TRIM44: variants seen among roughly 807,000 people sequenced by gnomAD.
TRIM44 encodes the protein tripartite motif-containing protein 44.
A neutral mutation model predicts 37.4 loss-of-function variants in TRIM44; 13 were observed. The observed-to-expected ratio is 0.35, with a 90% CI of 0.23 to 0.55. The LOEUF is 0.55. Among genes scored for constraint, TRIM44 ranks in the 20% least tolerant of loss-of-function variants. The probability of loss-of-function intolerance (pLI) is 0.89; values close to 1 mark genes in which losing one functional copy is unlikely to be tolerated. For synonymous variants in TRIM44, 175 were observed against 157.2 expected, an observed-to-expected ratio of 1.11 and a Z score of -0.85; for missense variants, 426 against 437.2, an observed-to-expected ratio of 0.97 and a Z score of 0.23.
intron 2 of TRIM44, among the ~76,000 whole-genome samples, chr11:35,700,811 A>G (rs549318120): frequency 6.6e-6 from 1 of 152,326 alleles, no homozygotes; most frequent in East Asian, 1.9e-4. Context: ...AAATTGAAGA[A>G]TTTTTAAAAG....
In TRIM44 at chr11:35,706,127, C is replaced by T. The variant is rs1379799289; in HGVS notation, c.748-19797C>T. 2.0e-5 allele frequency among the ~76,000 whole-genome samples: 3 copies of T among 148,966 alleles called. 1 individual carries two copies. Among genetic ancestry groups the T allele is most frequent in the Non-Finnish European group, 4.5e-5 (3 of 66,186 alleles). ...TGCAAACTATCATCAGAGAATACTA[C>T]AAACACCTCTACGCAAATAAATTAG... On this transcript the variant is annotated intron_variant, in intron 2 of 4. Transcript: ENST00000299413.
At position 35,756,332 on chromosome 11, in the gene TRIM44, T is replaced by G. The variant is rs1308372232; in HGVS notation, c.1007+20887T>G. 1.9e-3 allele frequency among the ~76,000 whole-genome samples: 284 copies of G among 152,312 alleles called. 2 individuals are homozygous for G. Among genetic ancestry groups the G allele is most frequent in the African/African-American group, 6.5e-3 (271 of 41,558 alleles). ...GTCTGTTATTGGTGTATAAGAATGC[T>G]TGTGATTTTTGCACATTGATTTTGT... On this transcript the variant is annotated intron_variant, in intron 4 of 4. Transcript: ENST00000299413.
rs1853510361 is a variant in TRIM44 at position 35,810,107 on chromosome 11, C to T, written c.*3722C>T. On this transcript the variant is annotated 3_prime_UTR_variant, in exon 5 of 5. Coordinates refer to ENST00000299413, the MANE Select transcript of TRIM44 (RefSeq NM_017583.6). Reference sequence around the variant, plus strand: ...CTGAAGGAAATTGCACTCCAGCCCTCCTCCAGGATGTCTAATAAGATGGGA... The same window carrying T: ...CTGAAGGAAATTGCACTCCAGCCCTTCTCCAGGATGTCTAATAAGATGGGA... 1 of 152,136 alleles carries T rather than the reference C, an allele frequency of 6.6e-6. No individual in the cohort carries two copies. The highest frequency in any genetic ancestry group is 1.5e-5 in the Non-Finnish European group (1 of 68,032). 9.4% of individuals were successfully genotyped at this position (152,136 alleles called of 1,614,324 possible). A position where few individuals can be genotyped will look rare whatever the true frequency, so the allele number is the denominator to read the frequency against.
chr11:35,699,862 G>T (rs1390369090), intron 2 of TRIM44, among the ~76,000 whole-genome samples: 1 of 152,016 alleles, frequency 6.6e-6, no homozygotes, highest in Admixed American at 6.6e-5. Context: ...GCTTCAAAGA[G>T]ACTAAAATAT....
chr11:35,740,344 G>A (rs1426820333), intron 4 of TRIM44, among the ~76,000 whole-genome samples: 1 of 152,124 alleles, frequency 6.6e-6, no homozygotes, highest in East Asian at 1.9e-4. Flanking sequence ...AAGCTGTTGT[G>A]TAGTGGTAGG....
Position 35,742,818 on chromosome 11 carries a change from ATAT to A in TRIM44, c.1007+7376_1007+7378del, listed in dbSNP as rs1424243636. Among the ~76,000 whole-genome samples, 134 of 143,236 alleles carry A rather than the reference ATAT, an allele frequency of 9.4e-4. 1 individual carries two copies. Among genetic ancestry groups the A allele is most frequent in the Admixed American group, 2.3e-3 (32 of 13,728 alleles). The allele number at this position is 143,236 out of a possible 152,430, so 94.0% of individuals were successfully genotyped here. A position where few individuals can be genotyped will look rare whatever the true frequency, so the allele number is the denominator to read the frequency against. ...TATTAATATATTAAATATAATTATA[ATAT>A]TAATTATACATTAATATCATTAATA... is the stretch of plus-strand genomic sequence containing the variant. On this transcript the variant is annotated intron_variant, in intron 4 of 4. Transcript: ENST00000299413.
intron 4 of TRIM44, among the ~76,000 whole-genome samples, chr11:35,797,380 T>C (rs1417504775): frequency 6.6e-6 from 1 of 152,154 alleles, no homozygotes; most frequent in Non-Finnish European, 1.5e-5. Context: ...TATGTAGATA[T>C]TTCACCCTCA....
intron 4 of TRIM44, among the ~76,000 whole-genome samples, chr11:35,757,044 T>C (rs1199383091): frequency 6.6e-6 from 1 of 152,214 alleles, no homozygotes; most frequent in African/African-American, 2.4e-5. Context: ...GAGGATTCCC[T>C]CTTTTTCTGT....
chr11:35,769,874 A>C (rs1852843512), intron 4 of TRIM44, among the ~76,000 whole-genome samples: 1 of 152,248 alleles, frequency 6.6e-6, no homozygotes, highest in Non-Finnish European at 1.5e-5. Context: ...TGTCTCCAGC[A>C]GGCCTAAGGA....
At position 35,809,049 on chromosome 11, in the gene TRIM44, T is replaced by TATC. The variant is rs1565045293; in HGVS notation, c.*2665_*2667dup. 1 of 152,248 alleles carries TATC rather than the reference T, an allele frequency of 6.6e-6. No homozygotes were observed. The allele number at this position is 152,248 out of a possible 1,614,324, so 9.4% of individuals were successfully genotyped here. A position where few individuals can be genotyped will look rare whatever the true frequency, so the allele number is the denominator to read the frequency against. On this transcript the variant is annotated 3_prime_UTR_variant, in exon 5 of 5. Transcript: ENST00000299413. ...TCGGATACTCATAGCAATTTCTGGC[T>TATC]ATCTTTCAAATGTTGAATTTCTGGA...
chr11:35,735,540 C>A, intron 4 of TRIM44, 95 bp downstream of exon 4: 1 of 1,274,614 alleles, frequency 7.8e-7, no homozygotes. Flanking sequence ...AGCCAAGGAA[C>A]AGCACAGAAA....
chr11:35,749,579 G>C (rs1235452721), intron 4 of TRIM44, among the ~76,000 whole-genome samples: 4 of 152,212 alleles, frequency 2.6e-5, no homozygotes, highest in Non-Finnish European at 4.4e-5. Flanking sequence ...CACCTACTCA[G>C]GAGGCTGAGG....
At position 35,695,403 on chromosome 11, in the gene TRIM44, T is replaced by C. The variant is rs1851684955; in HGVS notation, c.747+10067T>C. 2.0e-5 allele frequency among the ~76,000 whole-genome samples: 3 copies of C among 152,174 alleles called. 1 individual carries two copies. The highest frequency in any genetic ancestry group is 4.4e-5 in the Non-Finnish European group (3 of 68,030). On this transcript the variant is annotated intron_variant, in intron 2 of 4. Coordinates refer to ENST00000299413, the MANE Select transcript of TRIM44 (RefSeq NM_017583.6). ...TTGTGTATCTAAACAATTTCAGTAT[T>C]AGCTGATTTTGCATTAAAATCTGGC...
intron 2 of TRIM44, among the ~76,000 whole-genome samples, chr11:35,710,120 G>T (rs918090953): frequency 3.3e-5 from 5 of 152,172 alleles, no homozygotes; most frequent in African/African-American, 1.2e-4. Flanking sequence ...CTCAGTGATT[G>T]TTACAGGCGC....
chr11:35,676,880 GTTGAATTTTGAGACTGTTTTTGTCTGTTT>G (rs1851465214), intron 1 of TRIM44, among the ~76,000 whole-genome samples: 1 of 152,136 alleles, frequency 6.6e-6, no homozygotes, highest in Non-Finnish European at 1.5e-5. Flanking sequence ...TTTGTCTGTT[GTTGAATTTTGAGACTGTTTTTGTCTGTTT>G]TTGAATTTTG....
chr11:35,786,247 T>C (rs566822015), intron 4 of TRIM44, among the ~76,000 whole-genome samples: 3 of 152,356 alleles, frequency 2.0e-5, no homozygotes, highest in Admixed American at 2.0e-4. Flanking sequence ...TAGGTCTTAC[T>C]GGATGCATTT....
At chr11:35,707,497 A>G (rs540136418) in intron 2 of TRIM44, among the ~76,000 whole-genome samples, 3 of 152,182 alleles carry the variant, frequency 2.0e-5, no homozygotes, top group Non-Finnish European at 4.4e-5. Flanking sequence ...GTGTCATGCT[A>G]CCTGACTTCA....
rs1853516842 is a variant in TRIM44, at chr11:35,810,599, C to T, written c.*4214C>T. 6.6e-6 allele frequency: 1 copy of T among 152,084 alleles called. No homozygotes were observed. Among genetic ancestry groups the T allele is most frequent in the South Asian group, 2.1e-4 (1 of 4,808 alleles). The allele number at this position is 152,084 out of a possible 1,614,324, so 9.4% of individuals were successfully genotyped here. A position where few individuals can be genotyped will look rare whatever the true frequency, so the allele number is the denominator to read the frequency against. Reference sequence around the variant, plus strand: ...GTATAATTTGGAACTGAGAACATACCAGAAACAGCAGAACGAGGGCCAGAG... The same window carrying T: ...GTATAATTTGGAACTGAGAACATACTAGAAACAGCAGAACGAGGGCCAGAG... On this transcript the variant is annotated 3_prime_UTR_variant, in exon 5 of 5. Transcript: ENST00000299413.
At chr11:35,755,279 G>A (rs892963150) in intron 4 of TRIM44, among the ~76,000 whole-genome samples, 22 of 152,286 alleles carry the variant, frequency 1.4e-4, no homozygotes, top group African/African-American at 5.1e-4. Context: ...TTTTTCATGT[G>A]TCTGTTGGCT....
Sources: gnomAD v4.1 joint callset for allele counts (sites outside exome capture counted in the v4.1 genomes callset) on GRCh38, gnomAD v4.1.1 for gene constraint, MANE v1.5 for transcripts, NCBI Gene and HGNC (gene_info 2026-07-23, HGNC 2026-07-21) for gene names.